CHCHD3: variants seen among roughly 807,000 people sequenced by gnomAD.
CHCHD3 encodes MICOS complex subunit MIC19.
A neutral mutation model predicts 38.2 loss-of-function variants in CHCHD3; 20 were observed. That is an observed-to-expected ratio of 0.52 (90% CI 0.37 to 0.76). CHCHD3 has a LOEUF of 0.76. Among genes scored for constraint, CHCHD3 ranks in the 30% least tolerant of loss-of-function variants. CHCHD3 has a pLI of 0.00. For synonymous variants in CHCHD3, 82 were observed against 100.0 expected (o/e 0.82, Z 1.07); for missense variants, 245 against 279.2 (o/e 0.88, Z 0.87).
intron 3 of CHCHD3, among the ~76,000 whole-genome samples, chr7:132,990,965 C>T (rs1812265179): frequency 6.6e-6 from 1 of 151,710 alleles, no homozygotes; most frequent in Non-Finnish European, 1.5e-5. Flanking sequence ...CACACACACA[C>T]ACACACACAC....
At chr7:132,911,320 G>A (rs562337599) in intron 4 of CHCHD3, among the ~76,000 whole-genome samples, 18 of 152,234 alleles carry the variant, frequency 1.2e-4, no homozygotes, top group African/African-American at 1.7e-4. Context: ...GAAGCAACCC[G>A]AGAACATCAT....
intron 4 of CHCHD3, among the ~76,000 whole-genome samples, chr7:132,892,872 C>A (rs539263448): frequency 4.6e-5 from 7 of 152,354 alleles, no homozygotes; most frequent in African/African-American, 1.4e-4. Flanking sequence ...CGAACCTCCA[C>A]CTAGATTTCA....
At chr7:132,809,151 G>A (rs910097605) in intron 6 of CHCHD3, among the ~76,000 whole-genome samples, 2 of 150,304 alleles carry the variant, frequency 1.3e-5, no homozygotes, top group Non-Finnish European at 3.0e-5. Flanking sequence ...TGCTGAGATG[G>A]GGTTTCACCA....
rs377393158 is a variant in CHCHD3 at position 132,879,270 on chromosome 7, G to A, written c.453+6392C>T. Among the ~76,000 whole-genome samples the A allele has an allele frequency of 8.5e-5, 13 of 152,186 alleles. No individual in the cohort carries two copies. The South Asian group carries it at 1.9e-3, about 22-fold the overall frequency. On this transcript the variant is annotated intron_variant, in intron 5 of 7. Coordinates refer to ENST00000262570, the MANE Select transcript of CHCHD3 (RefSeq NM_017812.4). ...TGTAAATGCAGTGGGGGGAGGTGTA[G>A]GGAGGAGTTCTCAAAGAACAAATGC...
intron 6 of CHCHD3, among the ~76,000 whole-genome samples, chr7:132,797,039 C>T (rs912293288): frequency 3.3e-5 from 5 of 152,174 alleles, no homozygotes; most frequent in Admixed American, 1.3e-4. Flanking sequence ...AGCTTTGACA[C>T]CCTCTACTCC....
At chr7:132,832,934 T>C (rs541705650) in intron 6 of CHCHD3, among the ~76,000 whole-genome samples, 1 of 152,320 alleles carries the variant, frequency 6.6e-6, no homozygotes, top group Admixed American at 6.5e-5. Context: ...GGGTAAGAAC[T>C]CCTTCTAATG....
intron 4 of CHCHD3, among the ~76,000 whole-genome samples, chr7:132,958,870 G>C (rs1000015571): frequency 6.6e-6 from 1 of 152,222 alleles, no homozygotes; most frequent in Non-Finnish European, 1.5e-5. Flanking sequence ...TGACAAGGTA[G>C]CAAAATAGTA....
chr7:132,808,347 T>G (rs1022825470), intron 6 of CHCHD3, among the ~76,000 whole-genome samples: 1 of 152,200 alleles, frequency 6.6e-6, no homozygotes, highest in African/African-American at 2.4e-5. Context: ...TATAAGTAAT[T>G]CCCAAAGCTC....
At chr7:133,017,958 T>A (rs1813073462) in intron 3 of CHCHD3, among the ~76,000 whole-genome samples, 1 of 152,180 alleles carries the variant, frequency 6.6e-6, no homozygotes, top group Non-Finnish European at 1.5e-5. Context: ...GCACTTCCAA[T>A]CACCTTCCAG....
chr7:133,056,483 C>T (rs530778052), intron 2 of CHCHD3, among the ~76,000 whole-genome samples: 3 of 152,150 alleles, frequency 2.0e-5, no homozygotes, highest in Non-Finnish European at 2.9e-5. Context: ...CTGAAGTCTG[C>T]CCTGACCGCC....
intron 6 of CHCHD3, among the ~76,000 whole-genome samples, chr7:132,808,201 T>C (rs1585532477): frequency 6.6e-6 from 1 of 152,208 alleles, no homozygotes; most frequent in Non-Finnish European, 1.5e-5. Context: ...ATTGAAGTCA[T>C]GGGGCAAGCC....
intron 5 of CHCHD3, among the ~76,000 whole-genome samples, chr7:132,881,891 C>T (rs1022992614): frequency 3.0e-4 from 46 of 152,102 alleles, no homozygotes; most frequent in African/African-American, 1.1e-3. Flanking sequence ...GAAAATACTT[C>T]ATCATTAGAG....
intron 4 of CHCHD3, among the ~76,000 whole-genome samples, chr7:132,928,414 G>C (rs1281160218): frequency 6.6e-6 from 1 of 152,048 alleles, no homozygotes; most frequent in African/African-American, 2.4e-5. Flanking sequence ...AGAATAAATG[G>C]GGCCAGGTGT....
chr7:132,946,066 A>G (rs892229487), intron 4 of CHCHD3, among the ~76,000 whole-genome samples: 1 of 151,976 alleles, frequency 6.6e-6, no homozygotes, highest in Non-Finnish European at 1.5e-5. Flanking sequence ...TACATCAAAC[A>G]TAAAAAATCA....
intron 2 of CHCHD3, 62 bp downstream of exon 2, chr7:133,070,080 A>T: frequency 8.1e-7 from 1 of 1,227,418 alleles, no homozygotes; most frequent in Non-Finnish European, 1.2e-6. Context: ...TTGACTATTG[A>T]GTCAACTTTT....
intron 4 of CHCHD3, among the ~76,000 whole-genome samples, chr7:132,959,996 C>T (rs896232278): frequency 7.2e-5 from 11 of 152,116 alleles, no homozygotes; most frequent in Admixed American, 2.0e-4. Context: ...AACGTATCTC[C>T]AGAATAGAGC....
At chr7:133,075,554 T>C (rs921416285) in intron 1 of CHCHD3, among the ~76,000 whole-genome samples, 33 of 152,280 alleles carry the variant, frequency 2.2e-4, no homozygotes, top group African/African-American at 7.5e-4. Context: ...GACCTTCCCA[T>C]TGCAGTAGTA....
chr7:132,898,888 C>T (rs1253313216), intron 4 of CHCHD3, among the ~76,000 whole-genome samples: 17 of 152,210 alleles, frequency 1.1e-4, no homozygotes. Flanking sequence ...CAGGGCCGGC[C>T]GGCTGCTCCG....
chr7:132,786,846 T>C (rs1273963216), intron 7 of CHCHD3, among the ~76,000 whole-genome samples: 1 of 152,270 alleles, frequency 6.6e-6, no homozygotes, highest in South Asian at 2.1e-4. Flanking sequence ...GTAAACAGCA[T>C]AACATTTAAC....
Sources: allele counts gnomAD v4.1 joint callset (sites outside exome capture counted in the v4.1 genomes callset), GRCh38; gene constraint gnomAD v4.1.1; transcripts MANE v1.5; gene names NCBI Gene and HGNC (gene_info 2026-07-23, HGNC 2026-07-21).